Variants in GABRB2 observed in about 807,000 individuals in gnomAD.
The protein encoded by GABRB2 is gamma-aminobutyric acid type A receptor subunit beta2.
In GABRB2, 16 loss-of-function variants were observed where a neutral mutation model predicts 54.7. The ratio of observed to expected loss-of-function variants is 0.29; its 90% CI spans 0.20 to 0.44. The LOEUF (loss-of-function observed/expected upper bound fraction) is 0.44. Among genes scored for constraint, GABRB2 ranks in the 20% least tolerant of loss-of-function variants. GABRB2 has a pLI of 1.00. For missense variants in GABRB2, 355 were observed against 644.0 expected (o/e 0.55, Z 4.86); for synonymous variants, 244 against 233.8 (o/e 1.04, Z -0.40).
At chr5:161,520,146 A>T (rs751333640) in intron 3 of GABRB2, among the ~76,000 whole-genome samples, 1 of 152,120 alleles carries the variant, frequency 6.6e-6, no homozygotes, top group Non-Finnish European at 1.5e-5. Context: ...CTTAAAAAAT[A>T]TAACCACACC....
chr5:161,345,720 A>C (rs751212889), intron 5 of GABRB2, among the ~76,000 whole-genome samples: 2 of 151,956 alleles, frequency 1.3e-5, no homozygotes, highest in Non-Finnish European at 2.9e-5. Context: ...CTCTAGTTGA[A>C]TTTCTACTAG....
chr5:161,475,903 T>C (rs183505077), intron 3 of GABRB2, among the ~76,000 whole-genome samples: 1 of 152,020 alleles, frequency 6.6e-6, no homozygotes, highest in Non-Finnish European at 1.5e-5. Context: ...GACAAAGATG[T>C]CCACTTTCAC....
At chr5:161,323,822 C>A (rs1561607538) in intron 9 of GABRB2, among the ~76,000 whole-genome samples, 1 of 152,092 alleles carries the variant, frequency 6.6e-6, no homozygotes, top group Non-Finnish European at 1.5e-5. Flanking sequence ...TATGTGTGTA[C>A]TACCACACTC....
chr5:161,387,164 G>A (rs1755665536), intron 5 of GABRB2, among the ~76,000 whole-genome samples: 1 of 151,992 alleles, frequency 6.6e-6, no homozygotes, highest in Non-Finnish European at 1.5e-5. Context: ...TTCTAATCCT[G>A]TGGCAGGTGT....
chr5:161,439,467 C>G (rs1052765927), intron 4 of GABRB2, among the ~76,000 whole-genome samples: 1 of 151,956 alleles, frequency 6.6e-6, no homozygotes, highest in African/African-American at 2.4e-5. Context: ...GTAAAAAAAA[C>G]TCACTGATAA....
chr5:161,499,523 G>A (rs959724463), intron 3 of GABRB2, among the ~76,000 whole-genome samples: 5 of 152,140 alleles, frequency 3.3e-5, no homozygotes, highest in African/African-American at 1.2e-4. Flanking sequence ...AGTGTATGCA[G>A]TGTAACTATC....
intron 3 of GABRB2, among the ~76,000 whole-genome samples, chr5:161,481,708 G>C (rs1402042124): frequency 6.6e-6 from 1 of 151,936 alleles, no homozygotes; most frequent in Non-Finnish European, 1.5e-5. Context: ...AATATTAAAA[G>C]TATGGTAATA....
intron 3 of GABRB2, among the ~76,000 whole-genome samples, chr5:161,540,789 G>A (rs577336514): frequency 6.6e-6 from 1 of 152,056 alleles, no homozygotes; most frequent in Non-Finnish European, 1.5e-5. Context: ...CATTGTCAAT[G>A]AGCAGCCATT....
intron 5 of GABRB2, among the ~76,000 whole-genome samples, chr5:161,339,053 C>T (rs551858633): frequency 1.3e-5 from 2 of 152,102 alleles, no homozygotes; most frequent in Admixed American, 1.3e-4. Context: ...CTTATCAGTT[C>T]TTTATCCATA....
intron 5 of GABRB2, among the ~76,000 whole-genome samples, chr5:161,350,524 T>G (rs1365022671): frequency 6.6e-6 from 1 of 152,090 alleles, no homozygotes; most frequent in Non-Finnish European, 1.5e-5. Context: ...ACTCATAAAA[T>G]ACATCGAAGA....
intron 4 of GABRB2, among the ~76,000 whole-genome samples, chr5:161,420,665 C>T (rs1756822295): frequency 6.6e-6 from 1 of 152,222 alleles, no homozygotes. Context: ...TGGAAGGCTG[C>T]AGAGCGGGTG....
At chr5:161,533,973 G>T (rs895499116) in intron 3 of GABRB2, among the ~76,000 whole-genome samples, 2 of 152,112 alleles carry the variant, frequency 1.3e-5, no homozygotes, top group African/African-American at 4.8e-5. Flanking sequence ...AAGTGATAGG[G>T]ATATAGATAA....
intron 9 of GABRB2, among the ~76,000 whole-genome samples, chr5:161,307,882 C>T (rs372408300): frequency 1.1e-4 from 16 of 147,222 alleles, no homozygotes; most frequent in African/African-American, 3.5e-4. Flanking sequence ...TTTTTTTGAC[C>T]GAGTCTCGCT....
At chr5:161,423,647 C>T (rs1157894509) in intron 4 of GABRB2, among the ~76,000 whole-genome samples, 7 of 152,094 alleles carry the variant, frequency 4.6e-5, no homozygotes, top group Admixed American at 2.0e-4. Context: ...TCTCTCTCCT[C>T]AGGCCTTCCT....
chr5:161,376,218 G>A lies in GABRB2; in HGVS notation c.541+34757C>T, dbSNP rs190067195. On this transcript the variant is annotated intron_variant, in intron 5 of 9. Coordinates refer to ENST00000393959, the MANE Select transcript of GABRB2 (RefSeq NM_001371727.1). ...TTTAAGCAGAAATAGAAAAATAAAAGGGGAAGTGGGAACTCCTCTCTTAAA... is the reference window on the plus strand; with the variant it reads ...TTTAAGCAGAAATAGAAAAATAAAAAGGGAAGTGGGAACTCCTCTCTTAAA... 1.2e-4 allele frequency among the ~76,000 whole-genome samples: 19 copies of A among 152,188 alleles called. No homozygotes were observed. In the East Asian group the frequency reaches 2.9e-3, roughly 23 times the overall value.
At chr5:161,359,952 G>A (rs1053354901) in intron 5 of GABRB2, among the ~76,000 whole-genome samples, 3 of 152,166 alleles carry the variant, frequency 2.0e-5, no homozygotes, top group Middle Eastern at 3.4e-3. Flanking sequence ...ATGGTGGCAG[G>A]TGCCTGTAGT....
chr5:161,380,573 G>A lies in GABRB2; in HGVS notation c.541+30402C>T, dbSNP rs183299465. 7.6e-3 allele frequency among the ~76,000 whole-genome samples: 1,158 copies of A among 151,942 alleles called. 22 individuals are homozygous for A. Among genetic ancestry groups the A allele is most frequent in the South Asian group, 0.05 (241 of 4,824 alleles). ...GAGGGGAATGAGCTTCCTGGGCAGA[G>A]TTTCAGGAGCATTGCTAAGTTGCTA... On this transcript the variant is annotated intron_variant, in intron 5 of 9. Transcript: ENST00000393959.
intron 3 of GABRB2, among the ~76,000 whole-genome samples, chr5:161,510,219 A>G (rs1759723977): frequency 6.6e-6 from 1 of 151,708 alleles, no homozygotes; most frequent in Non-Finnish European, 1.5e-5. Context: ...TGTCTTATTC[A>G]TTCTTCTAAT....
chr5:161,464,214 T>C (rs894483493), intron 3 of GABRB2, among the ~76,000 whole-genome samples: 1 of 152,030 alleles, frequency 6.6e-6, no homozygotes. Flanking sequence ...GACAAACAAC[T>C]TATATCCATA....
Sources: gnomAD v4.1 joint callset for allele counts (sites outside exome capture counted in the v4.1 genomes callset) on GRCh38, gnomAD v4.1.1 for gene constraint, MANE v1.5 for transcripts, NCBI Gene and HGNC (gene_info 2026-07-23, HGNC 2026-07-21) for gene names.